Variants in KIAA1217 observed in about 807,000 individuals in gnomAD.
KIAA1217 encodes the protein KIAA1217, also known as sickle tail protein homolog.
Under a neutral mutation model 163.9 loss-of-function variants are expected in KIAA1217, and 88 were observed. That is an observed-to-expected ratio of 0.54 (90% CI 0.45 to 0.64). KIAA1217 has a LOEUF of 0.64. Ranked by LOEUF, KIAA1217 falls within the 30% of genes least tolerant of loss-of-function variation. The pLI, the probability that KIAA1217 is intolerant of heterozygous loss-of-function variation, is 0.00. For missense variants in KIAA1217, 2,372 were observed against 2,475.0 expected, an observed-to-expected ratio of 0.96 and a Z score of 0.88; for synonymous variants, 903 against 923.1, an observed-to-expected ratio of 0.98 and a Z score of 0.39.
chr10:23,801,995 G>A (rs116409384), intron 1 of KIAA1217, among the ~76,000 whole-genome samples: 22 of 152,266 alleles, frequency 1.4e-4, no homozygotes, highest in African/African-American at 5.3e-4. Context: ...AATAGATCAA[G>A]AGCCTCCAAC....
At chr10:24,489,233 C>A (rs1259459067) in intron 6 of KIAA1217, among the ~76,000 whole-genome samples, 1 of 151,060 alleles carries the variant, frequency 6.6e-6, no homozygotes, top group African/African-American at 2.4e-5. Flanking sequence ...AGAGTGAGAC[C>A]TTGTCTCAAA....
At chr10:24,211,360 ACT>A (rs2068049211) in intron 1 of KIAA1217, among the ~76,000 whole-genome samples, 1 of 62,152 alleles carries the variant, frequency 1.6e-5, no homozygotes, top group African/African-American at 7.1e-5. Flanking sequence ...AGGTGGGACT[ACT>A]TTTTTTTTTT....
intron 1 of KIAA1217, among the ~76,000 whole-genome samples, chr10:23,790,455 GTGCATATATA>G: frequency 2.2e-5 from 2 of 90,840 alleles, no homozygotes; most frequent in African/African-American, 1.4e-4. Flanking sequence ...ATATATACAT[GTGCATATATA>G]CATATATACA....
rs1284869626 is a variant in KIAA1217 at position 23,992,327 on chromosome 10, T to G, written c.-320-14898T>G. Among the ~76,000 whole-genome samples, 3 of 152,138 alleles carry G rather than the reference T, an allele frequency of 2.0e-5. No homozygotes were observed. In the East Asian group the frequency reaches 5.8e-4, roughly 29 times the overall value. ...AGCCAAGAAATAGAAATAGAAATGG[T>G]GAGGCTTGAACTTCTAGCAAAGATA... On this transcript the variant is annotated intron_variant, in intron 1 of 18. Transcript: ENST00000376462.
chr10:23,734,049 T>C (rs555438847), intron 1 of KIAA1217, among the ~76,000 whole-genome samples: 1 of 152,168 alleles, frequency 6.6e-6, no homozygotes, highest in Non-Finnish European at 1.5e-5. Flanking sequence ...AACATTGATG[T>C]AGACATGTGA....
intron 5 of KIAA1217, among the ~76,000 whole-genome samples, chr10:24,470,532 G>A (rs1203332408): frequency 6.6e-6 from 1 of 152,158 alleles, no homozygotes; most frequent in African/African-American, 2.4e-5. Context: ...ACCCTGGAGT[G>A]AGGACAGCAT....
rs78078692 is a variant in KIAA1217 at position 23,740,219 on chromosome 10, T to C, written c.-321+44985T>C. ...ATGACAGCAAAGGAGGGAGTGCTGA[T>C]AGAGAAATAGATATGTTGGCATTTT... On this transcript the variant is annotated intron_variant, in intron 1 of 18. Transcript: ENST00000376462. Among the ~76,000 whole-genome samples, 23 of 152,316 alleles carry C rather than the reference T, an allele frequency of 1.5e-4. No individual in the cohort carries two copies. The East Asian group carries it at 3.5e-3, about 23-fold the overall frequency.
intron 1 of KIAA1217, among the ~76,000 whole-genome samples, chr10:23,891,697 A>C (rs10828567): frequency 0.3 from 45,162 of 151,708 alleles, 6,954 homozygotes; most frequent in African/African-American, 0.37. Flanking sequence ...TCTCCCTAAC[A>C]ACCTAGTGTT....
chr10:23,748,581 A>C (rs964877900), intron 1 of KIAA1217, among the ~76,000 whole-genome samples: 2 of 37,998 alleles, frequency 5.3e-5, no homozygotes, highest in Non-Finnish European at 5.1e-5. Flanking sequence ...GACGGAAGGA[A>C]GGGGGGAGGG....
At chr10:23,731,557 C>G (rs1310414575) in intron 1 of KIAA1217, among the ~76,000 whole-genome samples, 1 of 152,128 alleles carries the variant, frequency 6.6e-6, no homozygotes, top group African/African-American at 2.4e-5. Context: ...GGGCTGGTTT[C>G]TGTTAAGCCC....
intron 2 of KIAA1217, among the ~76,000 whole-genome samples, chr10:24,226,107 A>G (rs996557818): frequency 6.6e-6 from 1 of 152,226 alleles, no homozygotes; most frequent in African/African-American, 2.4e-5. Context: ...TTAAGAAGTC[A>G]ACATTTGAAC....
chr10:24,241,012 A>AT (rs769294070), intron 2 of KIAA1217, among the ~76,000 whole-genome samples: 1 of 152,002 alleles, frequency 6.6e-6, no homozygotes, highest in Non-Finnish European at 1.5e-5. Context: ...TGCCAGGCTA[A>AT]TTTTTTGTAT....
chr10:24,119,464 A>T (rs1398274969), intron 2 of KIAA1217, among the ~76,000 whole-genome samples: 3 of 152,132 alleles, frequency 2.0e-5, no homozygotes, highest in Admixed American at 2.0e-4. Context: ...AAAAAAAACA[A>T]CTCTATAGCA....
At chr10:24,124,956 A>G (rs908626877) in intron 2 of KIAA1217, among the ~76,000 whole-genome samples, 4 of 152,148 alleles carry the variant, frequency 2.6e-5, no homozygotes, top group African/African-American at 7.2e-5. Flanking sequence ...TTACAGCATT[A>G]GATTTACCTC....
At chr10:23,909,554 C>T (rs1051632297) in intron 1 of KIAA1217, among the ~76,000 whole-genome samples, 11 of 151,792 alleles carry the variant, frequency 7.2e-5, no homozygotes, top group Non-Finnish European at 8.8e-5. Context: ...AAATGAAAGT[C>T]GTATAGAAAA....
chr10:23,709,948 C>T (rs1170855212), intron 1 of KIAA1217, among the ~76,000 whole-genome samples: 2 of 152,110 alleles, frequency 1.3e-5, no homozygotes, highest in Non-Finnish European at 2.9e-5. Context: ...TCGCACTTTC[C>T]CTATTATGTG....
intron 1 of KIAA1217, among the ~76,000 whole-genome samples, chr10:23,738,026 G>C (rs965583055): frequency 6.6e-6 from 1 of 151,602 alleles, no homozygotes; most frequent in Non-Finnish European, 1.5e-5. Context: ...ATAGCACGTA[G>C]ATATATATAT....
At chr10:23,880,481 A>G (rs9971165) in intron 1 of KIAA1217, among the ~76,000 whole-genome samples, 30,838 of 151,800 alleles carry the variant, frequency 0.2, 3,272 homozygotes, top group African/African-American at 0.23. Context: ...GGGAAGTGGG[A>G]GATGGTTAAT....
In KIAA1217 at chr10:24,337,590, T is replaced by TTTTCTTTTC. The variant is rs1316293949; in HGVS notation, c.355-43276_355-43275insCTTTTCTTT. Among the ~76,000 whole-genome samples, 4 of 134,474 alleles carry TTTTCTTTTC rather than the reference T, an allele frequency of 3.0e-5. No homozygotes were observed. The East Asian group carries it at 8.5e-4, about 29-fold the overall frequency. 88.2% of individuals were successfully genotyped at this position (134,474 alleles called of 152,430 possible). On this transcript the variant is annotated intron_variant, in intron 2 of 20. Coordinates refer to ENST00000376454, the MANE Select transcript of KIAA1217 (RefSeq NM_019590.5). ...TGCTTTGTTTTTGTTTTGTGTGGTT[T>TTTTCTTTTC]TTTTCTTTTCTTTTCTTTTCTTTTC...
Sources: gnomAD v4.1 joint callset for allele counts (sites outside exome capture counted in the v4.1 genomes callset) on GRCh38, gnomAD v4.1.1 for gene constraint, MANE v1.5 for transcripts, NCBI Gene and HGNC (gene_info 2026-07-23, HGNC 2026-07-21) for gene names.